TRPC5: variants seen among roughly 807,000 people sequenced by gnomAD.
TRPC5 encodes transient receptor potential cation channel subfamily C member 5, also known as short transient receptor potential channel 5.
In TRPC5, 9 loss-of-function variants were observed where a neutral mutation model predicts 56.5. The observed-to-expected ratio is 0.16, with a 90% CI of 0.10 to 0.28. The LOEUF is 0.28. Ranked by LOEUF, TRPC5 falls within the 10% of genes least tolerant of loss-of-function variation. The probability of loss-of-function intolerance (pLI) is 1.00; values close to 1 mark genes in which losing one functional copy is unlikely to be tolerated. For missense variants in TRPC5, 469 were observed against 748.9 expected (o/e 0.63, Z 4.36); for synonymous variants, 282 against 278.5 (o/e 1.01, Z -0.13).
intron 3 of TRPC5, among the ~76,000 whole-genome samples, chrX:111,876,791 G>A (rs918227144): frequency 1.8e-5 from 2 of 111,715 alleles, no homozygotes; most frequent in African/African-American, 3.3e-5. Context: ...AACTGGAACC[G>A]ACAAACTCAG....
intron 1 of TRPC5, among the ~76,000 whole-genome samples, chrX:111,997,556 G>T (rs1928574460): frequency 9.0e-6 from 1 of 111,161 alleles, no homozygotes; most frequent in African/African-American, 3.3e-5. Context: ...GTTGGGGGAA[G>T]TTCTCCTGGA....
chrX:112,062,409 A>G (rs762915447), intron 1 of TRPC5, among the ~76,000 whole-genome samples: 2 of 111,560 alleles, frequency 1.8e-5, no homozygotes, highest in Admixed American at 9.6e-5. Flanking sequence ...CGAAGGGCCA[A>G]TTGTGATACT....
intron 7 of TRPC5, among the ~76,000 whole-genome samples, chrX:111,792,114 A>G (rs1946026739): frequency 8.9e-6 from 1 of 112,318 alleles, no homozygotes; most frequent in Non-Finnish European, 1.9e-5. Flanking sequence ...ACACCATGGA[A>G]TACTATGCAG....
chrX:111,855,545 T>A (rs1161698746), intron 3 of TRPC5, among the ~76,000 whole-genome samples: 1 of 112,119 alleles, frequency 8.9e-6, no homozygotes, highest in African/African-American at 3.2e-5. Flanking sequence ...TGAGCCATTA[T>A]ATATTTTGGA....
intron 1 of TRPC5, among the ~76,000 whole-genome samples, chrX:111,956,473 T>C (rs1214531482): frequency 9.0e-6 from 1 of 111,288 alleles, no homozygotes; most frequent in Admixed American, 9.6e-5. Context: ...GGCACTATAA[T>C]AGAAGCTGAT....
chrX:111,802,840 C>CTTTA (rs926951783), intron 7 of TRPC5, among the ~76,000 whole-genome samples: 1 of 111,102 alleles, frequency 9.0e-6, no homozygotes, highest in Non-Finnish European at 1.9e-5. Context: ...ATATCTATAT[C>CTTTA]TTTATTTATT....
At chrX:112,025,374 C>A (rs1322259168) in intron 1 of TRPC5, among the ~76,000 whole-genome samples, 4 of 111,967 alleles carry the variant, frequency 3.6e-5, no homozygotes, top group Non-Finnish European at 7.5e-5. Context: ...TGACAGAATC[C>A]TCCAGTACAG....
At position 111,956,964 on chromosome X, in the gene TRPC5, C is replaced by CT. The variant is rs766554715; in HGVS notation, c.-21-4524dup. 8.9e-5 allele frequency among the ~76,000 whole-genome samples: 10 copies of CT among 112,146 alleles called. No individual in the cohort carries two copies. The South Asian group carries it at 3.7e-3, about 42-fold the overall frequency. On this transcript the variant is annotated intron_variant, in intron 1 of 10. Coordinates refer to ENST00000262839, the MANE Select transcript of TRPC5 (RefSeq NM_012471.3). ...TATCCCCTGGCCCAAGTTCTGCTCTCTAGAGCAGCATCAAGCAAAGCTCCC... is the reference window on the plus strand; with the variant it reads ...TATCCCCTGGCCCAAGTTCTGCTCTCTTAGAGCAGCATCAAGCAAAGCTCCC...
intron 1 of TRPC5, among the ~76,000 whole-genome samples, chrX:112,071,998 A>G (rs1281466358): frequency 8.9e-6 from 1 of 112,330 alleles, no homozygotes; most frequent in Non-Finnish European, 1.9e-5. Context: ...CTCTTCTGAA[A>G]GATTCTTTTC....
At chrX:111,986,444 A>G (rs142914091) in intron 1 of TRPC5, among the ~76,000 whole-genome samples, 1,854 of 110,188 alleles carry the variant, frequency 0.017, 44 homozygotes, top group African/African-American at 0.057. Flanking sequence ...TTTGTACCTC[A>G]CTTTTAGGGG....
At chrX:112,021,726 C>T (rs1929276366) in intron 1 of TRPC5, among the ~76,000 whole-genome samples, 1 of 111,873 alleles carries the variant, frequency 8.9e-6, no homozygotes, top group African/African-American at 3.3e-5. Context: ...AAATAAAGAC[C>T]AAGGCTACTG....
At position 111,776,707 on chromosome X, in the gene TRPC5, T is replaced by C; in HGVS notation, c.2528A>G (p.Lys843Arg). 1 of 1,211,944 alleles carries C rather than the reference T, an allele frequency of 8.3e-7. No homozygotes were observed. The highest frequency in any genetic ancestry group is 1.1e-6 in the Non-Finnish European group (1 of 895,543). Residue 843 changes from lysine to arginine, a missense_variant, in exon 11 of 11, where the codon AAG becomes AGG. Around this residue, in one of 3 missense-constraint regions of TRPC5, gnomAD observed 194 missense variants for 221.8 expected, o/e 0.87. Transcript: ENST00000262839. ...SKRSFMGPSL[K>R]KLGLLFSKFN... ...TTTGGAGAATAGGAGACCCAGTTTC[T>C]TGAGAGAAGGACCCATGAAGGAGCG... is the stretch of plus-strand genomic sequence containing the variant.
intron 6 of TRPC5, among the ~76,000 whole-genome samples, chrX:111,845,766 C>T (rs892120666): frequency 2.7e-5 from 3 of 112,039 alleles, no homozygotes; most frequent in African/African-American, 9.7e-5. Context: ...CAGGCACTAG[C>T]GAGCTGATAA....
chrX:111,932,954 T>C (rs1926460123), intron 2 of TRPC5, among the ~76,000 whole-genome samples: 1 of 111,887 alleles, frequency 8.9e-6, no homozygotes, highest in African/African-American at 3.3e-5. Context: ...ACTCCCGACA[T>C]CATTGTGCAT....
intron 1 of TRPC5, among the ~76,000 whole-genome samples, chrX:112,052,210 A>C (rs750278105): frequency 3.0e-4 from 33 of 111,830 alleles, no homozygotes; most frequent in Non-Finnish European, 7.5e-5. Context: ...ACTGTTTTCC[A>C]TAGTGGCTGC....
intron 1 of TRPC5, among the ~76,000 whole-genome samples, chrX:111,997,205 A>T (rs1284057554): frequency 9.0e-6 from 1 of 110,709 alleles, no homozygotes; most frequent in Non-Finnish European, 1.9e-5. Flanking sequence ...TAGTGACAAA[A>T]CCTCTCAGCA....
chrX:112,066,297 A>C (rs1032334493), intron 1 of TRPC5, among the ~76,000 whole-genome samples: 1 of 110,987 alleles, frequency 9.0e-6, no homozygotes, highest in Non-Finnish European at 1.9e-5. Flanking sequence ...GGTTGTTTTC[A>C]TTGAATACTC....
intron 3 of TRPC5, among the ~76,000 whole-genome samples, chrX:111,904,740 G>T (rs762508988): frequency 2.2e-4 from 24 of 111,320 alleles, no homozygotes; most frequent in African/African-American, 7.8e-4. Flanking sequence ...ACCAAGGCAC[G>T]TTTACCTATG....
intron 1 of TRPC5, among the ~76,000 whole-genome samples, chrX:112,028,266 C>CT (rs373476071): frequency 8.3e-5 from 9 of 108,805 alleles, no homozygotes; most frequent in East Asian, 5.8e-4. Context: ...GTGCTTTTAA[C>CT]TTTTTTTTTT....
Sources: allele counts gnomAD v4.1 joint callset (sites outside exome capture counted in the v4.1 genomes callset), GRCh38; gene constraint gnomAD v4.1.1; regional missense constraint gnomAD v4.1.1; transcripts MANE v1.5; gene names NCBI Gene and HGNC (gene_info 2026-07-23, HGNC 2026-07-21).